NXN: variants seen among roughly 807,000 people sequenced by gnomAD.
NXN encodes the protein nucleoredoxin.
In NXN, 16 loss-of-function variants were observed where a neutral mutation model predicts 48.6. That is an observed-to-expected ratio of 0.33 (90% confidence interval 0.22 to 0.50). NXN has a LOEUF of 0.50. NXN is among the 20% of genes least tolerant of loss of function. NXN has a pLI of 0.98. For missense variants in NXN, 492 were observed against 605.5 expected, an observed-to-expected ratio of 0.81 and a Z score of 1.97; for synonymous variants, 281 against 269.6, an observed-to-expected ratio of 1.04 and a Z score of -0.41.
intron 1 of NXN, among the ~76,000 whole-genome samples, chr17:973,152 G>A (rs533916166): frequency 7.9e-5 from 12 of 152,274 alleles, no homozygotes; most frequent in East Asian, 5.8e-4. Flanking sequence ...AGCTGTGGAC[G>A]GCTACTCAGA....
intron 1 of NXN, chr17:909,799 C>G (rs1040241610): frequency 1.3e-5 from 2 of 151,524 alleles, no homozygotes; most frequent in African/African-American, 4.9e-5. Flanking sequence ...CGGCCTCCCA[C>G]AGTGCTGGGA....
At chr17:868,426 G>A (rs1028849259) in intron 1 of NXN, among the ~76,000 whole-genome samples, 17 of 151,666 alleles carry the variant, frequency 1.1e-4, no homozygotes, top group East Asian at 3.9e-4. Flanking sequence ...CAGACTTAAC[G>A]CCTTCGCGCT....
intron 1 of NXN, among the ~76,000 whole-genome samples, chr17:882,122 CAAG>C (rs2068290933): frequency 1.3e-5 from 2 of 152,164 alleles, no homozygotes. Flanking sequence ...CTCATACCAA[CAAG>C]AAGGAGAAAA....
At chr17:942,250 A>C (rs1470477857) in intron 1 of NXN, among the ~76,000 whole-genome samples, 3 of 124,130 alleles carry the variant, frequency 2.4e-5, no homozygotes, top group Admixed American at 8.0e-5. Flanking sequence ...ATGAACTCAC[A>C]TCACACCTTC....
intron 1 of NXN, among the ~76,000 whole-genome samples, chr17:887,280 G>A (rs2068359088): frequency 1.3e-5 from 2 of 152,118 alleles, no homozygotes; most frequent in Admixed American, 1.3e-4. Context: ...TCCTCTCCCA[G>A]GCAAGTGGCC....
chr17:940,808 T>C (rs1336609905), intron 1 of NXN, among the ~76,000 whole-genome samples: 1 of 150,214 alleles, frequency 6.7e-6, no homozygotes, highest in Non-Finnish European at 1.5e-5. Context: ...GATTCCAGGG[T>C]GCAGCTATGA....
At chr17:848,129 G>T (rs909629512) in intron 1 of NXN, among the ~76,000 whole-genome samples, 1 of 150,596 alleles carries the variant, frequency 6.6e-6, no homozygotes, top group Admixed American at 6.6e-5. Context: ...ATTACTGAAC[G>T]TTGATTTCCT....
chr17:856,849 T>A (rs1715005776), intron 1 of NXN, among the ~76,000 whole-genome samples: 1 of 152,166 alleles, frequency 6.6e-6, no homozygotes, highest in South Asian at 2.1e-4. Context: ...CAGCTGAGGC[T>A]TTCTCTACAG....
At chr17:895,309 G>A (rs62068451) in intron 1 of NXN, among the ~76,000 whole-genome samples, 144,600 of 151,690 alleles carry the variant, frequency 0.95, 69,072 homozygotes, top group African/African-American at 0.99. Context: ...GAGCCACCGC[G>A]CCTGGCCCAC....
chr17:959,221 G>C (rs1567519987), intron 1 of NXN: 2 of 1,027,396 alleles, frequency 1.9e-6, no homozygotes, highest in Non-Finnish European at 2.6e-6. Flanking sequence ...CAGCAGACAG[G>C]CCTGCAGATA....
At chr17:853,717 A>G (rs915988882) in intron 1 of NXN, among the ~76,000 whole-genome samples, 2 of 92,634 alleles carry the variant, frequency 2.2e-5, no homozygotes, top group South Asian at 3.2e-4. Context: ...ATATATATAT[A>G]TATATATTTT....
In NXN at chr17:826,539, A is replaced by C. The variant is rs548554231; in HGVS notation, c.361-461T>G. Among the ~76,000 whole-genome samples the C allele has an allele frequency of 2.0e-5, 3 of 152,344 alleles. No homozygotes were observed. The East Asian group carries it at 5.8e-4, about 30-fold the overall frequency. Reference sequence around the variant, plus strand: ...AGACCACCAGGTGGTTAAGGAAGGAAGGGAAGGTTTTCACGAGAGCCTCGC... The same window carrying C: ...AGACCACCAGGTGGTTAAGGAAGGACGGGAAGGTTTTCACGAGAGCCTCGC... On this transcript the variant is annotated intron_variant, in intron 1 of 7. Coordinates refer to ENST00000336868, the MANE Select transcript of NXN (RefSeq NM_022463.5).
At chr17:937,657 C>CTT (rs1206857527) in intron 1 of NXN, among the ~76,000 whole-genome samples, 1 of 152,108 alleles carries the variant, frequency 6.6e-6, no homozygotes, top group Non-Finnish European at 1.5e-5. Flanking sequence ...CAATTTCACT[C>CTT]TTTTCTGCAC....
At chr17:840,229 G>A (rs1321961914) in intron 1 of NXN, among the ~76,000 whole-genome samples, 2 of 152,200 alleles carry the variant, frequency 1.3e-5, no homozygotes, top group African/African-American at 2.4e-5. Context: ...GAGGGAGAAT[G>A]GGGAAATGAC....
In NXN at chr17:927,698, G is replaced by A. The variant is rs1468081164; in HGVS notation, c.360+51621C>T. Among the ~76,000 whole-genome samples, 7 of 152,142 alleles carry A rather than the reference G, an allele frequency of 4.6e-5. No homozygotes were observed. In the East Asian group the frequency reaches 1.4e-3, roughly 29 times the overall value. Reference sequence around the variant, plus strand: ...GTCAGACAGCGATGGTTTGCGGGAGGAGCAGAAGGAGGCATACTCCGTGGG... The same window carrying A: ...GTCAGACAGCGATGGTTTGCGGGAGAAGCAGAAGGAGGCATACTCCGTGGG... On this transcript the variant is annotated intron_variant, in intron 1 of 7. Coordinates refer to ENST00000336868, the MANE Select transcript of NXN (RefSeq NM_022463.5).
intron 5 of NXN, among the ~76,000 whole-genome samples, chr17:817,081 C>A (rs1912508022): frequency 6.6e-6 from 1 of 152,016 alleles, no homozygotes; most frequent in African/African-American, 2.4e-5. Context: ...GGCAGCAGCA[C>A]CCCCCGACAC....
chr17:906,086 G>A (rs535041433), intron 1 of NXN, among the ~76,000 whole-genome samples: 47 of 151,696 alleles, frequency 3.1e-4, no homozygotes, highest in African/African-American at 8.9e-4. Flanking sequence ...CAATATAAAC[G>A]AATAGTAATA....
intron 1 of NXN, among the ~76,000 whole-genome samples, chr17:911,594 A>G (rs8066798): frequency 0.2 from 29,477 of 150,232 alleles, 3,010 homozygotes; most frequent in South Asian, 0.36. Context: ...CTCCCAAAGT[A>G]TTGGGATTAC....
intron 1 of NXN, among the ~76,000 whole-genome samples, chr17:855,798 T>C (rs67770002): frequency 0.27 from 40,573 of 152,028 alleles, 6,404 homozygotes; most frequent in African/African-American, 0.44. Context: ...TACAACAAAC[T>C]CTATCCAGTG....
Sources: allele counts gnomAD v4.1 joint callset (sites outside exome capture counted in the v4.1 genomes callset), GRCh38; gene constraint gnomAD v4.1.1; transcripts MANE v1.5; gene names NCBI Gene and HGNC (gene_info 2026-07-23, HGNC 2026-07-21).